Variants in UBA52 observed in about 807,000 individuals in gnomAD.
UBA52 encodes the protein ubiquitin A-52 residue ribosomal protein fusion product 1.
In UBA52, 1 loss-of-function variant was observed where a neutral mutation model predicts 15.3. That is an observed-to-expected ratio of 0.07 (90% CI 0.02 to 0.31). UBA52 has a LOEUF of 0.31. Among genes scored for constraint, UBA52 ranks in the 10% least tolerant of loss-of-function variants. The pLI, the probability that UBA52 is intolerant of heterozygous loss-of-function variation, is 1.00. For synonymous variants in UBA52, 50 were observed against 58.3 expected, an observed-to-expected ratio of 0.86 and a Z score of 0.65; for missense variants, 87 against 168.0, an observed-to-expected ratio of 0.52 and a Z score of 2.66.
intron 3 of UBA52, among the ~76,000 whole-genome samples, chr19:18,573,966 C>T (rs146005838): frequency 1.4e-5 from 2 of 147,172 alleles, no homozygotes; most frequent in East Asian, 2.1e-4. Flanking sequence ...GCCTGGACAA[C>T]GTGGTGAAAT....
intron 3 of UBA52, 131 bp from the exon 4 acceptor site, chr19:18,574,739 C>T (rs1426884609): frequency 1.5e-5 from 18 of 1,162,348 alleles, no homozygotes; most frequent in Middle Eastern, 2.9e-4. Context: ...GTAGAACACT[C>T]GGGGGATCCC....
chr19:18,565,315 C>A, the UBA52 span: 5 of 592,036 alleles, frequency 8.4e-6, no homozygotes, highest in Non-Finnish European at 1.3e-5. Flanking sequence ...CTGCAAGCTC[C>A]GCTTCCCGGG....
At chr19:18,564,423 C>T in the UBA52 span, among the ~76,000 whole-genome samples, 1 of 152,016 alleles carries the variant, frequency 6.6e-6, no homozygotes, top group African/African-American at 2.4e-5. Context: ...AGATCGAGAC[C>T]ATCCTGGCTA....
In UBA52 at chr19:18,575,455, G is replaced by A. The variant is rs988412705; in HGVS notation, c.*305G>A. 4 of 406,434 alleles carry A rather than the reference G, an allele frequency of 9.8e-6. No individual in the cohort carries two copies. The Admixed American group carries it at 1.2e-4, about 12-fold the overall frequency. 25.2% of individuals were successfully genotyped at this position (406,434 alleles called of 1,614,324 possible). A position where few individuals can be genotyped will look rare whatever the true frequency, so the allele number is the denominator to read the frequency against. On this transcript the variant is annotated 3_prime_UTR_variant, in exon 5 of 5. Coordinates refer to ENST00000442744, the MANE Select transcript of UBA52 (RefSeq NM_001033930.3). ...CCTCAGTCGTGTAATTGGTGGGACT[G>A]AGGATCAGTTTTGTCATTGCTGGGA...
At chr19:18,572,520 G>A (rs1975547290) in intron 1 of UBA52, 1 of 152,306 alleles carries the variant, frequency 6.6e-6, no homozygotes, top group Non-Finnish European at 1.5e-5. Context: ...AGTAGAGACG[G>A]AGTTTCACCA....
At position 18,575,471 on chromosome 19, in the gene UBA52, A is replaced by G. The variant is rs41293581; in HGVS notation, c.*321A>G. On this transcript the variant is annotated 3_prime_UTR_variant, in exon 5 of 5. Transcript: ENST00000442744. ...GGTGGGACTGAGGATCAGTTTTGTCATTGCTGGGATCCTGTCAGGCACTTT... is the reference window on the plus strand; with the variant it reads ...GGTGGGACTGAGGATCAGTTTTGTCGTTGCTGGGATCCTGTCAGGCACTTT... 0.072 allele frequency: 27,571 copies of G among 380,744 alleles called. 3,600 individuals are homozygous for G. The highest frequency in any genetic ancestry group is 0.38 in the African/African-American group (18,060 of 48,132). The allele number at this position is 380,744 out of a possible 1,614,324, so 23.6% of individuals were successfully genotyped here.
chr19:18,568,793 T>TG (rs201139855), upstream of UBA52: 3,223 of 601,644 alleles, frequency 5.4e-3, 73 homozygotes, highest in African/African-American at 0.047. Flanking sequence ...GTGGAATTCC[T>TG]GGGGGGGTCT....
chr19:18,565,258 C>CT, the UBA52 span: 1 of 1,201,578 alleles, frequency 8.3e-7, no homozygotes. Context: ...GAGACGGAGT[C>CT]TCGCTCTGTT....
upstream of UBA52, among the ~76,000 whole-genome samples, chr19:18,571,193 G>A (rs1021711397): frequency 6.6e-6 from 1 of 151,194 alleles, no homozygotes. Context: ...ACTTGTAATC[G>A]CAGCTACTCG....
At chr19:18,571,637 C>A (rs2145275867), upstream of UBA52, 1 of 152,432 alleles carries the variant, frequency 6.6e-6, no homozygotes, top group Non-Finnish European at 1.5e-5. Context: ...GACGCAAACA[C>A]GGGGAGAGGT....
chr19:18,568,136 G>C (rs1228606879), upstream of UBA52, among the ~76,000 whole-genome samples: 2 of 152,044 alleles, frequency 1.3e-5, no homozygotes, highest in Admixed American at 1.3e-4. Flanking sequence ...GCGTGATGAT[G>C]GGCATCTGTA....
At chr19:18,567,163 C>T (rs745609014), upstream of UBA52, 19 of 1,614,084 alleles carry the variant, frequency 1.2e-5, no homozygotes, top group East Asian at 4.5e-5. Flanking sequence ...CAGGCAGCAC[C>T]CAGAGGCCTT....
rs1975743408 is a variant in UBA52 at position 18,575,465 on chromosome 19, T to C, written c.*315T>C. The C allele has an allele frequency of 5.1e-6, 2 of 388,856 alleles. No individual in the cohort carries two copies. Among genetic ancestry groups the C allele is most frequent in the Admixed American group, 4.0e-5 (1 of 24,800 alleles). The allele number at this position is 388,856 out of a possible 1,614,324, so 24.1% of individuals were successfully genotyped here. A position where few individuals can be genotyped will look rare whatever the true frequency, so the allele number is the denominator to read the frequency against. On this transcript the variant is annotated 3_prime_UTR_variant, in exon 5 of 5. Coordinates refer to ENST00000442744, the MANE Select transcript of UBA52 (RefSeq NM_001033930.3). ...GTAATTGGTGGGACTGAGGATCAGT[T>C]TTGTCATTGCTGGGATCCTGTCAGG...
chr19:18,565,089 C>T, the UBA52 span: 1 of 1,579,306 alleles, frequency 6.3e-7, no homozygotes, highest in Admixed American at 1.7e-5. Flanking sequence ...GCCTCAGTTT[C>T]CTTCACATAC....
rs5031054 is a variant in UBA52, at chr19:18,575,224, C to T, written c.*74C>T. 2.3e-5 allele frequency: 36 copies of T among 1,562,584 alleles called. No homozygotes were observed. In the Admixed American group the frequency reaches 5.7e-4, roughly 25 times the overall value. On this transcript the variant is annotated 3_prime_UTR_variant, in exon 5 of 5. Transcript: ENST00000442744. ...TGGAGCCTCAATAAAGTGTCCCTTT[C>T]ATTGACTGGAGCAGCAATTGGTGTC...
chr19:18,567,294 G>A (rs1293066708), upstream of UBA52: 3 of 1,092,520 alleles, frequency 2.7e-6, no homozygotes. Flanking sequence ...TGGGCAGTGG[G>A]TCTGGGGAAA....
At position 18,574,886 on chromosome 19, in the gene UBA52, G is replaced by C; in HGVS notation, c.207G>C (p.Leu69=). Residue 69 remains leucine, a synonymous_variant, in exon 4 of 5, where the codon CTG becomes CTC. Coordinates refer to ENST00000442744, the MANE Select transcript of UBA52 (RefSeq NM_001033930.3). ...CTCCTGCAGAGTCCACCCTGCACCT[G>C]GTGTTGCGCCTGCGAGGTGGCATTA... ...YNIQKESTLH[L]VLRLRGGIIE... 1 of 1,613,846 alleles carries C rather than the reference G, an allele frequency of 6.2e-7. No individual in the cohort carries two copies. Among genetic ancestry groups the C allele is most frequent in the East Asian group, 2.2e-5 (1 of 44,888 alleles).
chr19:18,571,651 A>G (rs1281315624), upstream of UBA52: 1 of 152,266 alleles, frequency 6.6e-6, no homozygotes, highest in African/African-American at 2.4e-5. Context: ...GAGAGGTGCA[A>G]TCGTCTCAAG....
chr19:18,574,904 T>C lies in UBA52; in HGVS notation c.225T>C (p.Gly75=), dbSNP rs750641068. 4.3e-6 allele frequency: 7 copies of C among 1,614,002 alleles called. No individual in the cohort carries two copies. Among genetic ancestry groups the C allele is most frequent in the Non-Finnish European group, 5.9e-6 (7 of 1,180,018 alleles). ...STLHLVLRLR[G]GIIEPSLRQL... ...TGCACCTGGTGTTGCGCCTGCGAGG[T>C]GGCATTATTGAGCCTTCTCTCCGCC... The change falls in exon 4 of 5, where the codon GGT becomes GGC. Residue 75 remains glycine, a synonymous_variant. Coordinates refer to ENST00000442744, the MANE Select transcript of UBA52 (RefSeq NM_001033930.3).
Sources: gnomAD v4.1 joint callset for allele counts (sites outside exome capture counted in the v4.1 genomes callset) on GRCh38, gnomAD v4.1.1 for gene constraint, MANE v1.5 for transcripts, NCBI Gene and HGNC (gene_info 2026-07-23, HGNC 2026-07-21) for gene names.